The following LARGE1 variants were observed in gnomAD, a reference collection of about 807,000 sequenced individuals.
The protein encoded by LARGE1 is xylosyl- and glucuronyltransferase LARGE1.
In LARGE1, 43 loss-of-function variants were observed where a neutral mutation model predicts 87.6. The observed-to-expected ratio is 0.49, with a 90% confidence interval of 0.38 to 0.63. The LOEUF is 0.63. Among genes scored for constraint, LARGE1 ranks in the 30% least tolerant of loss-of-function variants. LARGE1 has a pLI of 0.00. For synonymous variants in LARGE1, 434 were observed against 394.6 expected (o/e 1.10, Z -1.18); for missense variants, 802 against 1,000.2 (o/e 0.80, Z 2.67).
chr22:33,599,324 T>C (rs893181896), intron 5 of LARGE1, among the ~76,000 whole-genome samples: 12 of 152,168 alleles, frequency 7.9e-5, no homozygotes, highest in Non-Finnish European at 1.6e-4. Flanking sequence ...TCATGAGAGA[T>C]GAGTGACAGC....
intron 6 of LARGE1, among the ~76,000 whole-genome samples, chr22:33,455,139 A>T (rs570132897): frequency 1.3e-5 from 2 of 152,220 alleles, no homozygotes; most frequent in Non-Finnish European, 2.9e-5. Flanking sequence ...TCCTGGGTCC[A>T]TAAGGGAGGG....
the LARGE1 span, among the ~76,000 whole-genome samples, chr22:33,102,127 T>G: frequency 6.6e-6 from 1 of 150,542 alleles, no homozygotes; most frequent in East Asian, 1.9e-4. Flanking sequence ...TTCCTCTTCC[T>G]CCAGTCCTGA....
intron 6 of LARGE1, among the ~76,000 whole-genome samples, chr22:33,548,206 G>C (rs1295677784): frequency 1.3e-5 from 2 of 152,088 alleles, no homozygotes; most frequent in Non-Finnish European, 2.9e-5. Flanking sequence ...CATGAGATCT[G>C]GTTTTTTAAA....
chr22:33,386,457 T>G (rs1208050003), intron 7 of LARGE1, among the ~76,000 whole-genome samples: 1 of 148,530 alleles, frequency 6.7e-6, no homozygotes, highest in South Asian at 2.4e-4. Context: ...CTACTTGCCC[T>G]GCACAGCTCA....
At chr22:33,069,909 C>T in the LARGE1 span, among the ~76,000 whole-genome samples, 1 of 150,770 alleles carries the variant, frequency 6.6e-6, no homozygotes, top group Non-Finnish European at 1.5e-5. Context: ...ACTGCAACCT[C>T]CACCTCCCAG....
At chr22:33,810,009 G>A (rs1452183863) in intron 1 of LARGE1, among the ~76,000 whole-genome samples, 1 of 152,134 alleles carries the variant, frequency 6.6e-6, no homozygotes, top group Non-Finnish European at 1.5e-5. Flanking sequence ...GGCGGGTGTT[G>A]CTACCACCCA....
At chr22:33,473,583 G>GAC (rs2068946150) in intron 6 of LARGE1, among the ~76,000 whole-genome samples, 1 of 152,098 alleles carries the variant, frequency 6.6e-6, no homozygotes, top group South Asian at 2.1e-4. Context: ...TTGAACTCCT[G>GAC]ACCTCGTGAT....
intron 2 of LARGE1, among the ~76,000 whole-genome samples, chr22:33,716,181 G>T (rs2082901721): frequency 6.6e-6 from 1 of 151,956 alleles, no homozygotes; most frequent in Non-Finnish European, 1.5e-5. Flanking sequence ...GATGAATTTA[G>T]GAAATTAAAA....
At chr22:33,217,032 A>C (rs1454461960) in intron 11 of LARGE1, among the ~76,000 whole-genome samples, 1 of 152,242 alleles carries the variant, frequency 6.6e-6, no homozygotes, top group Non-Finnish European at 1.5e-5. Flanking sequence ...AGGGTTGGCA[A>C]GAATGTGGAA....
At chr22:33,434,362 G>A (rs8135715) in intron 6 of LARGE1, among the ~76,000 whole-genome samples, 6,247 of 152,228 alleles carry the variant, frequency 0.041, 149 homozygotes, top group South Asian at 0.068. Flanking sequence ...GTGCAGTGGC[G>A]CAATCTGGGC....
chr22:33,731,864 T>C (rs7287954), intron 2 of LARGE1, among the ~76,000 whole-genome samples: 11,957 of 152,278 alleles, frequency 0.079, 476 homozygotes, highest in African/African-American at 0.095. Context: ...TCTTTCATCC[T>C]CTATAAAGTC....
chr22:33,451,316 C>A (rs1250267194), intron 6 of LARGE1, among the ~76,000 whole-genome samples: 1 of 151,908 alleles, frequency 6.6e-6, no homozygotes, highest in Non-Finnish European at 1.5e-5. Context: ...CGTAGGTGAC[C>A]ACCAAGAAAA....
intron 2 of LARGE1, among the ~76,000 whole-genome samples, chr22:33,759,726 T>C (rs1198396440): frequency 2.6e-5 from 4 of 152,184 alleles, no homozygotes; most frequent in Non-Finnish European, 5.9e-5. Flanking sequence ...GCACGGGTGG[T>C]ACCTCTAACT....
intron 1 of LARGE1, among the ~76,000 whole-genome samples, chr22:33,815,626 T>C (rs2086626699): frequency 6.6e-6 from 1 of 152,120 alleles, no homozygotes; most frequent in Non-Finnish European, 1.5e-5. Context: ...TGCAAACATC[T>C]GTCTATCAAC....
chr22:33,362,105 C>T (rs1018048288), intron 9 of LARGE1, among the ~76,000 whole-genome samples: 2 of 149,224 alleles, frequency 1.3e-5, no homozygotes, highest in African/African-American at 4.9e-5. Context: ...GAGTTTGTGC[C>T]ACTGGTAAAG....
At position 33,738,561 on chromosome 22, in the gene LARGE1, G is replaced by A. The variant is rs143119960; in HGVS notation, c.106+22810C>T. On this transcript the variant is annotated intron_variant, in intron 2 of 14. Transcript: ENST00000397394. ...CCCTCAGCCTCCTGGTTGGGCAGTC[G>A]TAAGAGACCATGCCAGGGCCGGGCG... Among the ~76,000 whole-genome samples, 169 of 152,272 alleles carry A rather than the reference G, an allele frequency of 1.1e-3. 1 individual carries two copies. The highest frequency in any genetic ancestry group is 3.8e-3 in the African/African-American group (156 of 41,572).
chr22:33,437,542 T>C (rs375084161), intron 6 of LARGE1, among the ~76,000 whole-genome samples: 2 of 152,300 alleles, frequency 1.3e-5, no homozygotes, highest in African/African-American at 4.8e-5. Flanking sequence ...ACATTACCAC[T>C]AAAAGCGTCG....
intron 1 of LARGE1, among the ~76,000 whole-genome samples, chr22:33,878,125 A>ATTTCT (rs2064530758): frequency 2.0e-5 from 1 of 51,236 alleles, no homozygotes; most frequent in African/African-American, 7.1e-5. Flanking sequence ...TTTATATTGT[A>ATTTCT]TTTCTTTTTT....
chr22:33,167,652 G>C (rs2146127950), intron 11 of LARGE1, among the ~76,000 whole-genome samples: 1 of 152,300 alleles, frequency 6.6e-6, no homozygotes, highest in Admixed American at 6.5e-5. Flanking sequence ...CTAGTTAAAA[G>C]CCTGAGACAG....
Sources: allele counts gnomAD v4.1 joint callset (sites outside exome capture counted in the v4.1 genomes callset), GRCh38; gene constraint gnomAD v4.1.1; transcripts MANE v1.5; gene names NCBI Gene and HGNC (gene_info 2026-07-23, HGNC 2026-07-21).